BBS9: variants seen among roughly 807,000 people sequenced by gnomAD.
The protein encoded by BBS9 is Bardet-Biedl syndrome 9.
A neutral mutation model predicts 117.7 loss-of-function variants in BBS9; 89 were observed. The observed-to-expected ratio is 0.76, with a 90% confidence interval of 0.64 to 0.90. The LOEUF (loss-of-function observed/expected upper bound fraction) is 0.90. Among genes scored for constraint, BBS9 ranks in the 40% least tolerant of loss-of-function variants. The probability of loss-of-function intolerance (pLI) is 0.00; values close to 1 mark genes in which losing one functional copy is unlikely to be tolerated. For synonymous variants in BBS9, 379 were observed against 370.9 expected (o/e 1.02, Z -0.25); for missense variants, 982 against 1,042.2 (o/e 0.94, Z 0.80).
chr7:33,204,406 CAAAAA>C (rs569185367), intron 5 of BBS9, among the ~76,000 whole-genome samples: 1 of 134,138 alleles, frequency 7.5e-6, no homozygotes, highest in Non-Finnish European at 1.6e-5. Context: ...GACTCCATCT[CAAAAA>C]AAAAAAAAAA....
intron 5 of BBS9, among the ~76,000 whole-genome samples, chr7:33,211,599 T>A (rs1431234883): frequency 6.6e-6 from 1 of 152,232 alleles, no homozygotes; most frequent in African/African-American, 2.4e-5. Flanking sequence ...TGGTTCATCA[T>A]TTAGTCTTTC....
chr7:33,203,983 A>G (rs1245874416), intron 5 of BBS9, among the ~76,000 whole-genome samples: 1 of 150,280 alleles, frequency 6.7e-6, no homozygotes, highest in Non-Finnish European at 1.5e-5. Context: ...TCGGCCTCCC[A>G]AAGTGCTGGG....
intron 21 of BBS9, among the ~76,000 whole-genome samples, chr7:33,631,175 G>A (rs746316444): frequency 3.9e-5 from 6 of 152,146 alleles, no homozygotes; most frequent in Admixed American, 6.5e-5. Flanking sequence ...GAGGAAAGGC[G>A]AAAAGGCCGT....
intron 21 of BBS9, among the ~76,000 whole-genome samples, chr7:33,593,088 A>G (rs749671366): frequency 6.6e-6 from 1 of 152,138 alleles, no homozygotes; most frequent in Non-Finnish European, 1.5e-5. Context: ...TTCCAATTGT[A>G]CATTGGACTT....
intron 21 of BBS9, among the ~76,000 whole-genome samples, chr7:33,586,034 T>C (rs1213772245): frequency 1.3e-5 from 2 of 152,018 alleles, no homozygotes; most frequent in Non-Finnish European, 2.9e-5. Flanking sequence ...AAGGTTTTAT[T>C]TACTCCCCAC....
intron 9 of BBS9, among the ~76,000 whole-genome samples, chr7:33,313,304 C>A (rs1167313166): frequency 6.6e-6 from 1 of 152,038 alleles, no homozygotes; most frequent in East Asian, 1.9e-4. Flanking sequence ...CCATCTTTAG[C>A]CTCTAGCGTG....
In BBS9 at chr7:33,349,800, G is replaced by A. The variant is rs149323314; in HGVS notation, c.1432+630G>A. On this transcript the variant is annotated intron_variant, in intron 13 of 22. Transcript: ENST00000242067. The stretch of plus-strand genomic sequence containing the variant: ...TCTTTAGTGATCTATTTATTGAATC[G>A]GTAATGTTTGAAGAATTAATATGGA... Among the ~76,000 whole-genome samples, 47 of 152,156 alleles carry A rather than the reference G, an allele frequency of 3.1e-4. No homozygotes were observed. In the East Asian group the frequency reaches 7.5e-3, roughly 24 times the overall value.
At chr7:33,458,048 A>G (rs896420058) in intron 19 of BBS9, among the ~76,000 whole-genome samples, 13 of 152,270 alleles carry the variant, frequency 8.5e-5, no homozygotes, top group Non-Finnish European at 1.8e-4. Flanking sequence ...GCACTATCCA[A>G]TTTAAATGGA....
chr7:33,487,262 T>G (rs2128987028), intron 19 of BBS9, among the ~76,000 whole-genome samples: 1 of 152,264 alleles, frequency 6.6e-6, no homozygotes, highest in Non-Finnish European at 1.5e-5. Context: ...TGCTATGGGG[T>G]TTTTCCAGAT....
intron 9 of BBS9, among the ~76,000 whole-genome samples, chr7:33,324,554 G>GT (rs1812438567): frequency 1.3e-5 from 2 of 149,828 alleles, no homozygotes; most frequent in East Asian, 3.9e-4. Flanking sequence ...TGCTATTACA[G>GT]TAAGTTTTGT....
intron 1 of BBS9, among the ~76,000 whole-genome samples, chr7:33,143,201 C>T (rs1302729852): frequency 6.6e-6 from 1 of 152,126 alleles, no homozygotes; most frequent in Non-Finnish European, 1.5e-5. Flanking sequence ...GATCTCCTGA[C>T]CTCATGATCC....
chr7:33,256,089 G>T (rs1797012530), intron 5 of BBS9, among the ~76,000 whole-genome samples: 1 of 152,126 alleles, frequency 6.6e-6, no homozygotes, highest in Non-Finnish European at 1.5e-5. Flanking sequence ...GGAGGTGGAG[G>T]TTGCAGTGAG....
At chr7:33,505,315 A>G in intron 19 of BBS9, 148 bp from the exon 20 acceptor site, 1 of 829,622 alleles carries the variant, frequency 1.2e-6, no homozygotes, top group Non-Finnish European at 2.1e-6. Flanking sequence ...ATGAATGATA[A>G]CTCTTTTATT....
chr7:33,152,472 G>A (rs1793489745), intron 2 of BBS9, among the ~76,000 whole-genome samples: 1 of 152,132 alleles, frequency 6.6e-6, no homozygotes, highest in Non-Finnish European at 1.5e-5. Context: ...AATGCAATAT[G>A]TTAGTACATT....
At chr7:33,466,009 T>C (rs1840100470) in intron 19 of BBS9, among the ~76,000 whole-genome samples, 1 of 152,112 alleles carries the variant, frequency 6.6e-6, no homozygotes, top group African/African-American at 2.4e-5. Context: ...TATTGAAGTG[T>C]ACCTGACAAA....
At chr7:33,288,737 T>C (rs1803402155) in intron 9 of BBS9, among the ~76,000 whole-genome samples, 1 of 152,250 alleles carries the variant, frequency 6.6e-6, no homozygotes, top group Admixed American at 6.5e-5. Flanking sequence ...TATTTCCCAA[T>C]AACACTGTTC....
At chr7:33,434,423 A>G (rs79675528) in intron 19 of BBS9, among the ~76,000 whole-genome samples, 4,898 of 152,226 alleles carry the variant, frequency 0.032, 141 homozygotes, top group African/African-American at 0.077. Context: ...AAGCAACTCA[A>G]TAGATAGCCT....
At chr7:33,446,163 A>T (rs1836961767) in intron 19 of BBS9, among the ~76,000 whole-genome samples, 1 of 152,194 alleles carries the variant, frequency 6.6e-6, no homozygotes, top group Non-Finnish European at 1.5e-5. Flanking sequence ...TAGCAACAGC[A>T]ACAACAAAAC....
chr7:33,184,286 C>T (rs1168407367), intron 5 of BBS9, among the ~76,000 whole-genome samples: 1 of 152,186 alleles, frequency 6.6e-6, no homozygotes, highest in Non-Finnish European at 1.5e-5. Context: ...GCAGTCCCAT[C>T]AGCTTTCAAG....
Sources: allele counts gnomAD v4.1 joint callset (sites outside exome capture counted in the v4.1 genomes callset), GRCh38; gene constraint gnomAD v4.1.1; transcripts MANE v1.5; gene names NCBI Gene and HGNC (gene_info 2026-07-23, HGNC 2026-07-21).